Variants in ZNF121 observed in about 807,000 individuals in gnomAD.
The protein encoded by ZNF121 is zinc finger protein 121 (clone ZHC32).
Under a neutral mutation model 2.4 loss-of-function variants are expected in ZNF121, and 1 was observed. That is an observed-to-expected ratio of 0.41 (90% CI 0.15 to 1.94). ZNF121 has a LOEUF of 1.94. ZNF121 is among the 30% of genes most tolerant of loss of function. ZNF121 has a pLI of 0.30. For missense variants in ZNF121, 369 were observed against 466.3 expected (o/e 0.79, Z 1.92); for synonymous variants, 173 against 158.6 (o/e 1.09, Z -0.68).
At chr19:9,575,013 A>G (rs1019170437) in intron 1 of ZNF121, among the ~76,000 whole-genome samples, 3 of 152,216 alleles carry the variant, frequency 2.0e-5, no homozygotes, top group Non-Finnish European at 2.9e-5. Context: ...CCTGAGCTCA[A>G]GCAATCCACC....
chr19:9,578,111 A>G (rs1039056227), intron 1 of ZNF121, among the ~76,000 whole-genome samples: 21 of 151,750 alleles, frequency 1.4e-4, no homozygotes, highest in African/African-American at 4.8e-4. Flanking sequence ...AGTCCCAGCT[A>G]CTCAGAAGGC....
rs2074137127 is a variant in ZNF121 at position 9,566,890 on chromosome 19, G to A, written c.223C>T (p.Pro75Ser). 1.2e-6 allele frequency: 2 copies of A among 1,614,040 alleles called. No homozygotes were observed. The highest frequency in any genetic ancestry group is 1.7e-5 in the Admixed American group (1 of 59,990). The change falls in exon 4 of 4, where the codon CCA becomes TCA. Residue 75 changes from proline to serine, a missense_variant. This residue lies in a region of ZNF121 where 168 missense variants were observed against 162.3 expected (regional missense o/e 1.03). Transcript: ENST00000320451. Reference protein sequence around the residue: ...NQCRKAFSLPPNVHQRTWIGD... With the variant: ...NQCRKAFSLPSNVHQRTWIGD... The stretch of plus-strand genomic sequence containing the variant: ...ATCCACGTTCTCTGGTGAACATTTG[G>A]TGGCAGGCTGAAGGCTTTTCTGCAC...
chr19:9,569,583 G>A (rs1402517472), intron 1 of ZNF121, among the ~76,000 whole-genome samples: 1 of 151,576 alleles, frequency 6.6e-6, no homozygotes, highest in Non-Finnish European at 1.5e-5. Context: ...CCAGGCTGGA[G>A]TGCAATGGCA....
At chr19:9,572,957 G>A (rs1413990041) in intron 1 of ZNF121, among the ~76,000 whole-genome samples, 2 of 152,162 alleles carry the variant, frequency 1.3e-5, no homozygotes, top group African/African-American at 4.8e-5. Context: ...AGAGGCTGCA[G>A]TAAGCCATGG....
intron 1 of ZNF121, among the ~76,000 whole-genome samples, chr19:9,581,313 C>T (rs2074246760): frequency 6.6e-6 from 1 of 152,140 alleles, no homozygotes. Context: ...TGCCCCTGTA[C>T]CCTTTCCCTA....
At chr19:9,568,839 G>A (rs1451717603) in intron 2 of ZNF121, among the ~76,000 whole-genome samples, 163 bp downstream of exon 2, 1 of 152,072 alleles carries the variant, frequency 6.6e-6, no homozygotes, top group Non-Finnish European at 1.5e-5. Context: ...TGAAAGTCTG[G>A]GTTAGATGAA....
chr19:9,569,566 C>T (rs906606351), intron 1 of ZNF121, among the ~76,000 whole-genome samples: 13 of 151,598 alleles, frequency 8.6e-5, no homozygotes, highest in Non-Finnish European at 8.8e-5. Flanking sequence ...GAGTCTCACT[C>T]TGTCACCCAG....
rs562129251 is a variant in ZNF121, at chr19:9,560,702, T to G, written c.*5238A>C. On this transcript the variant is annotated 3_prime_UTR_variant, in exon 4 of 4. Coordinates refer to ENST00000320451, the MANE Select transcript of ZNF121 (RefSeq NM_001008727.5). Reference sequence around the variant, plus strand: ...TGCATTGTATGTATATAATGCATTTTGTTTACCAATTCATCTGTCAATGGA... The same window carrying G: ...TGCATTGTATGTATATAATGCATTTGGTTTACCAATTCATCTGTCAATGGA... 2.0e-5 allele frequency: 3 copies of G among 152,394 alleles called. No homozygotes were observed. In the South Asian group the frequency reaches 6.2e-4, roughly 32 times the overall value. 9.4% of individuals were successfully genotyped at this position (152,394 alleles called of 1,614,324 possible). A position where few individuals can be genotyped will look rare whatever the true frequency, so the allele number is the denominator to read the frequency against.
At chr19:9,572,456 C>T (rs1376271885) in intron 1 of ZNF121, among the ~76,000 whole-genome samples, 2 of 152,178 alleles carry the variant, frequency 1.3e-5, no homozygotes, top group African/African-American at 4.8e-5. Context: ...GGAGAAACAT[C>T]CCTGAGGACA....
intron 3 of ZNF121, among the ~76,000 whole-genome samples, 141 bp downstream of exon 3, chr19:9,567,940 AACAGAAACAGTACC>A (rs1480914112): frequency 6.6e-6 from 1 of 152,142 alleles, no homozygotes; most frequent in African/African-American, 2.4e-5. Context: ...TCCTAACACT[AACAGAAACAGTACC>A]AGTGGGGACC....
rs2074138401 is a variant in ZNF121 at position 9,566,991 on chromosome 19, C to G, written c.122G>C (p.Cys41Ser). The G allele has an allele frequency of 6.2e-7, 1 of 1,614,196 alleles. No homozygotes were observed. Among genetic ancestry groups the G allele is most frequent in the Non-Finnish European group, 8.5e-7 (1 of 1,180,030 alleles). The part of the protein sequence containing the change: ...GTENTGDTYD[C>S]DEYGENFPML... ...GGGAAAGTTTTCTCCATACTCATCA[C>G]AGTCATAAGTGTCCCCTGTATTTTC... The change falls in exon 4 of 4, where the codon TGT becomes TCT. Residue 41 changes from cysteine to serine, a missense_variant. Physicochemically the swap from Cys to Ser is moderately radical, Grantham distance 112 (BLOSUM62 -1). Around this residue, in one of 4 missense-constraint regions of ZNF121, gnomAD observed 168 missense variants for 162.3 expected, o/e 1.03. Coordinates refer to ENST00000320451, the MANE Select transcript of ZNF121 (RefSeq NM_001008727.5).
In ZNF121 at chr19:9,568,150, T is replaced by G. The variant is rs1599735632; in HGVS notation, c.-53A>C. 8 of 1,510,366 alleles carry G rather than the reference T, an allele frequency of 5.3e-6. No individual in the cohort carries two copies. The highest frequency in any genetic ancestry group is 7.2e-6 in the Non-Finnish European group (8 of 1,114,570). The allele number at this position is 1,510,366 out of a possible 1,614,324, so 93.6% of individuals were successfully genotyped here. ...CCAAAAAAAAATGTTGTTGAGGTGC[T>G]GACACTTTGGTTTTAACTTGCCATT... On this transcript the variant is annotated 5_prime_UTR_variant, in exon 3 of 4. Transcript: ENST00000320451.
chr19:9,571,467 C>A (rs2074173790), intron 1 of ZNF121, among the ~76,000 whole-genome samples: 1 of 152,130 alleles, frequency 6.6e-6, no homozygotes, highest in Admixed American at 6.5e-5. Context: ...AAATGTAATG[C>A]CTTTACTAGA....
intron 1 of ZNF121, among the ~76,000 whole-genome samples, chr19:9,583,559 A>G (rs564065913): frequency 6.2e-5 from 8 of 128,682 alleles, no homozygotes; most frequent in African/African-American, 2.2e-4. Context: ...GCTGGAGTGC[A>G]GTGGCGCGAT....
At position 9,560,940 on chromosome 19, in the gene ZNF121, G is replaced by T. The variant is rs2074097808; in HGVS notation, c.*5000C>A. On this transcript the variant is annotated 3_prime_UTR_variant, in exon 4 of 4. Coordinates refer to ENST00000320451, the MANE Select transcript of ZNF121 (RefSeq NM_001008727.5). Reference sequence around the variant, plus strand: ...AATAAAAACTGAATTCTGGTTAGTTGATTTTTAAAAAGAGTGGTATGAGTT... The same window carrying T: ...AATAAAAACTGAATTCTGGTTAGTTTATTTTTAAAAAGAGTGGTATGAGTT... 1 of 152,070 alleles carries T rather than the reference G, an allele frequency of 6.6e-6. No individual in the cohort carries two copies. The highest frequency in any genetic ancestry group is 2.4e-5 in the African/African-American group (1 of 41,442). 9.4% of individuals were successfully genotyped at this position (152,070 alleles called of 1,614,324 possible).
intron 1 of ZNF121, among the ~76,000 whole-genome samples, chr19:9,572,721 A>T (rs529020966): frequency 6.6e-6 from 1 of 152,364 alleles, no homozygotes; most frequent in Non-Finnish European, 1.5e-5. Context: ...CGTGGGTTTA[A>T]GATTCCATCT....
chr19:9,578,723 A>G (rs1218937617), intron 1 of ZNF121, among the ~76,000 whole-genome samples: 2 of 152,222 alleles, frequency 1.3e-5, no homozygotes, highest in Admixed American at 6.5e-5. Context: ...ACCTGAAACT[A>G]TAAAGCTACT....
In ZNF121 at chr19:9,568,186, A is replaced by C. The variant is rs1007740359; in HGVS notation, c.-78-11T>G. On this transcript the variant is annotated splice_polypyrimidine_tract_variant and intron_variant, in intron 2 of 3. Coordinates refer to ENST00000320451, the MANE Select transcript of ZNF121 (RefSeq NM_001008727.5). ...TTTTAACTTGCCATTCTGAAGTAAA[A>C]CAGAAAAAAAGAAAAAAAAATAGGG... 3 of 1,389,220 alleles carry C rather than the reference A, an allele frequency of 2.2e-6. No individual in the cohort carries two copies. Among genetic ancestry groups the C allele is most frequent in the Non-Finnish European group, 2.9e-6 (3 of 1,030,534 alleles). 86.1% of individuals were successfully genotyped at this position (1,389,220 alleles called of 1,614,324 possible).
At position 9,564,000 on chromosome 19, in the gene ZNF121, C is replaced by T. The variant is rs2074115143; in HGVS notation, c.*1940G>A. On this transcript the variant is annotated 3_prime_UTR_variant, in exon 4 of 4. Coordinates refer to ENST00000320451, the MANE Select transcript of ZNF121 (RefSeq NM_001008727.5). Reference sequence around the variant, plus strand: ...GAGGTATAAACAAGATTGGCGTTTTCATGTCTGCTAACCGCAGCCCATGGA... The same window carrying T: ...GAGGTATAAACAAGATTGGCGTTTTTATGTCTGCTAACCGCAGCCCATGGA... 6.6e-6 allele frequency: 1 copy of T among 152,188 alleles called. No homozygotes were observed. The highest frequency in any genetic ancestry group is 1.5e-5 in the Non-Finnish European group (1 of 68,028). 9.4% of individuals were successfully genotyped at this position (152,188 alleles called of 1,614,324 possible).
Sources: gnomAD v4.1 joint callset for allele counts (sites outside exome capture counted in the v4.1 genomes callset) on GRCh38, gnomAD v4.1.1 for gene constraint, gnomAD v4.1.1 regional missense constraint, MANE v1.5 for transcripts, NCBI Gene and HGNC (gene_info 2026-07-23, HGNC 2026-07-21) for gene names.